PRKCH: variants seen among roughly 807,000 people sequenced by gnomAD.
PRKCH encodes the protein protein kinase C eta type.
In PRKCH, 28 loss-of-function variants were observed where a neutral mutation model predicts 82.5. The observed-to-expected ratio is 0.34, with a 90% CI of 0.25 to 0.47. The LOEUF (loss-of-function observed/expected upper bound fraction) is 0.47, where lower values mean the gene tolerates loss of function less well. Among genes scored for constraint, PRKCH ranks in the 20% least tolerant of loss-of-function variants. The pLI is 1.00. For missense variants in PRKCH, 705 were observed against 881.8 expected, an observed-to-expected ratio of 0.80 and a Z score of 2.54; for synonymous variants, 322 against 327.4, an observed-to-expected ratio of 0.98 and a Z score of 0.18.
intron 1 of PRKCH, among the ~76,000 whole-genome samples, chr14:61,340,944 C>T (rs1210301846): frequency 6.6e-6 from 1 of 152,208 alleles, no homozygotes; most frequent in Non-Finnish European, 1.5e-5. Context: ...TACTTTCTGA[C>T]TCAATTTCTT....
chr14:61,389,698 CA>C (rs112924735), intron 1 of PRKCH, among the ~76,000 whole-genome samples: 1,520 of 104,570 alleles, frequency 0.015, 17 homozygotes, highest in African/African-American at 0.038. Context: ...GACCCTGTCT[CA>C]AAAAAAAAAA....
intron 1 of PRKCH, among the ~76,000 whole-genome samples, chr14:61,291,134 A>G (rs1170247617): frequency 3.9e-5 from 6 of 152,172 alleles, no homozygotes; most frequent in Admixed American, 1.3e-4. Flanking sequence ...TTATAACCAA[A>G]TGTCAGTTTT....
upstream of PRKCH, among the ~76,000 whole-genome samples, chr14:61,321,376 C>A (rs2045618946): frequency 6.6e-6 from 1 of 152,248 alleles, no homozygotes; most frequent in South Asian, 2.1e-4. This position sits in a 1 kb window ranked among gnomAD's most constrained non-coding sequence, Gnocchi z 4.1. Flanking sequence ...CGAACCCTTT[C>A]CTTTTTGGCC....
intron 1 of PRKCH, among the ~76,000 whole-genome samples, chr14:61,287,176 G>A (rs1382175529): frequency 8.3e-6 from 1 of 119,856 alleles, no homozygotes; most frequent in Non-Finnish European, 1.6e-5. Flanking sequence ...CTGCACTTCA[G>A]CCTGAGCAAC....
rs118110451 is a variant in PRKCH, at chr14:61,519,139, C to T, written c.1434-9936C>T. ...CTCTACAAAAAATTTAAAGATTAGC[C>T]GGGTGTGGTGATGTGTGCCTGGAGT... is the stretch of plus-strand genomic sequence containing the variant. On this transcript the variant is annotated intron_variant, in intron 10 of 13. Transcript: ENST00000332981. 8.0e-3 allele frequency among the ~76,000 whole-genome samples: 1,212 copies of T among 151,974 alleles called. 5 individuals carry two copies. Among genetic ancestry groups the T allele is most frequent in the Non-Finnish European group, 0.013 (860 of 67,960 alleles).
At chr14:61,379,853 T>G (rs1398895303) in intron 1 of PRKCH, among the ~76,000 whole-genome samples, 2 of 152,212 alleles carry the variant, frequency 1.3e-5, no homozygotes, top group African/African-American at 4.8e-5. Flanking sequence ...AAGGGTCTAC[T>G]TAGCAGAAAC....
At chr14:61,449,124 G>A in intron 4 of PRKCH, 40 bp from the exon 5 acceptor site, 2 of 1,581,060 alleles carry the variant, frequency 1.3e-6, no homozygotes, top group East Asian at 4.5e-5. Flanking sequence ...TGGACTGTGA[G>A]CTTCTGATAA....
At chr14:61,426,146 G>T (rs544878446) in intron 2 of PRKCH, among the ~76,000 whole-genome samples, 1 of 152,212 alleles carries the variant, frequency 6.6e-6, no homozygotes, top group South Asian at 2.1e-4. Context: ...CTTCTTTCTG[G>T]AGATCTCCAG....
chr14:61,250,215 C>T (rs527635783), intron 1 of PRKCH, among the ~76,000 whole-genome samples: 7 of 148,960 alleles, frequency 4.7e-5, no homozygotes, highest in East Asian at 2.0e-4. Context: ...CCAGCCTGGG[C>T]GATAGAGTGA....
chr14:61,464,947 C>T (rs972960161), intron 9 of PRKCH, among the ~76,000 whole-genome samples: 5 of 152,096 alleles, frequency 3.3e-5, no homozygotes, highest in Non-Finnish European at 5.9e-5. Flanking sequence ...GGTTCTAGAT[C>T]CTTGAGGAGT....
rs1466831122 is a variant in PRKCH, at chr14:61,400,573, TG to T, written c.427+9286del. 8.5e-5 allele frequency among the ~76,000 whole-genome samples: 13 copies of T among 152,306 alleles called. No homozygotes were observed. The East Asian group carries it at 2.1e-3, about 25-fold the overall frequency. ...ATGTTTTTAAAGGATTGAGACTAAT[TG>T]TCCCTTGTCATAGATGCTCTCTCGT... On this transcript the variant is annotated intron_variant, in intron 2 of 13. Coordinates refer to ENST00000332981, the MANE Select transcript of PRKCH (RefSeq NM_006255.5).
intron 1 of PRKCH, among the ~76,000 whole-genome samples, chr14:61,218,244 A>G (rs1473217224): frequency 2.0e-5 from 3 of 152,140 alleles, no homozygotes. Flanking sequence ...TCTTCTTCCC[A>G]TGCTGTCGGC....
intron 1 of PRKCH, among the ~76,000 whole-genome samples, chr14:61,213,427 T>C (rs573587114): frequency 1.3e-5 from 2 of 152,316 alleles, no homozygotes; most frequent in East Asian, 1.9e-4. Context: ...CTTCACACTC[T>C]CCCAATCCTT....
intron 10 of PRKCH, among the ~76,000 whole-genome samples, chr14:61,498,841 C>T (rs1041001416): frequency 1.3e-5 from 2 of 152,124 alleles, no homozygotes; most frequent in African/African-American, 4.8e-5. Context: ...TGAATTCTGG[C>T]AGGACACAAA....
At chr14:61,263,744 A>G (rs796930159) in intron 1 of PRKCH, among the ~76,000 whole-genome samples, 1 of 152,206 alleles carries the variant, frequency 6.6e-6, no homozygotes, top group South Asian at 2.1e-4. Flanking sequence ...ATACCCCGAT[A>G]GAGAAATACA....
chr14:61,361,912 A>G (rs1363003402), intron 1 of PRKCH, among the ~76,000 whole-genome samples: 4 of 152,246 alleles, frequency 2.6e-5, no homozygotes, highest in African/African-American at 9.6e-5. Context: ...ATAAGGAGGA[A>G]GGGCTCTTGG....
intron 1 of PRKCH, among the ~76,000 whole-genome samples, chr14:61,265,142 C>G (rs1250527660): frequency 6.6e-6 from 1 of 152,098 alleles, no homozygotes; most frequent in African/African-American, 2.4e-5. Flanking sequence ...CAGGGTTATC[C>G]TCTGTTATGA....
chr14:61,338,272 C>G (rs2045884568), intron 1 of PRKCH, among the ~76,000 whole-genome samples: 1 of 152,170 alleles, frequency 6.6e-6, no homozygotes, highest in Admixed American at 6.5e-5. Context: ...TCATTCCTTA[C>G]CATTCTCTGT....
intron 12 of PRKCH, among the ~76,000 whole-genome samples, chr14:61,542,667 A>G (rs2043203396): frequency 6.6e-6 from 1 of 152,230 alleles, no homozygotes; most frequent in South Asian, 2.1e-4. Context: ...CTCAGGGTCA[A>G]GGCTGACCTC....
Sources: gnomAD v4.1 joint callset for allele counts (sites outside exome capture counted in the v4.1 genomes callset) on GRCh38, gnomAD v4.1.1 for gene constraint, Gnocchi (gnomAD v3.1) non-coding constraint, MANE v1.5 for transcripts, NCBI Gene and HGNC (gene_info 2026-07-23, HGNC 2026-07-21) for gene names.